PLCB1: variants seen among roughly 807,000 people sequenced by gnomAD.
PLCB1 encodes the protein 1-phosphatidylinositol 4,5-bisphosphate phosphodiesterase beta-1.
Under a neutral mutation model 161.8 loss-of-function variants are expected in PLCB1, and 46 were observed. The observed-to-expected ratio is 0.28, with a 90% CI of 0.22 to 0.36. The LOEUF (loss-of-function observed/expected upper bound fraction) is 0.36, where lower values mean the gene tolerates loss of function less well. Ranked by LOEUF, PLCB1 falls within the 10% of genes least tolerant of loss-of-function variation. PLCB1 has a pLI of 1.00. For synonymous variants in PLCB1, 517 were observed against 503.7 expected (o/e 1.03, Z -0.35); for missense variants, 1,016 against 1,472.5 (o/e 0.69, Z 5.07).
chr20:8,843,063 A>G (rs1190035970), intron 31 of PLCB1, among the ~76,000 whole-genome samples: 2 of 152,334 alleles, frequency 1.3e-5, no homozygotes, highest in Non-Finnish European at 1.5e-5. Flanking sequence ...AGTCTTTGCA[A>G]TTGAGAGTAA....
At chr20:8,468,029 G>A (rs1227872095) in intron 3 of PLCB1, among the ~76,000 whole-genome samples, 1 of 152,170 alleles carries the variant, frequency 6.6e-6, no homozygotes, top group Admixed American at 6.5e-5. Context: ...CAGAGATTGT[G>A]TGGAACAAAT....
intron 4 of PLCB1, among the ~76,000 whole-genome samples, chr20:8,636,602 T>C (rs1223681626): frequency 6.6e-6 from 1 of 152,224 alleles, no homozygotes; most frequent in Non-Finnish European, 1.5e-5. Flanking sequence ...GTCTCTCCCT[T>C]ACACACACAG....
chr20:8,332,482 C>A (rs1233523749), intron 2 of PLCB1, among the ~76,000 whole-genome samples: 1 of 152,190 alleles, frequency 6.6e-6, no homozygotes, highest in African/African-American at 2.4e-5. Flanking sequence ...TATCAATAAT[C>A]AAAATGTACT....
intron 2 of PLCB1, among the ~76,000 whole-genome samples, chr20:8,166,176 C>T (rs1021311223): frequency 4.6e-5 from 7 of 152,128 alleles, no homozygotes; most frequent in East Asian, 1.9e-4. Flanking sequence ...TCTTCAAAGA[C>T]CTGCCTATGC....
At chr20:8,558,420 A>G (rs1213706516) in intron 3 of PLCB1, among the ~76,000 whole-genome samples, 1 of 151,928 alleles carries the variant, frequency 6.6e-6, no homozygotes, top group Non-Finnish European at 1.5e-5. Context: ...GAATAAAGAA[A>G]AATGAACAGA....
rs534254362 is a variant in PLCB1 at position 8,295,895 on chromosome 20, TA to T, written c.178-75486del. ...TGGCTGATTTTTTTCTATTTTTTTG[TA>T]GAAATGGGGTCTGACTTTGTTGCCT... On this transcript the variant is annotated intron_variant, in intron 2 of 31. Transcript: ENST00000338037. 5.5e-4 allele frequency among the ~76,000 whole-genome samples: 83 copies of T among 152,040 alleles called. 3 individuals are homozygous for T. In the Middle Eastern group the frequency reaches 0.01, roughly 19 times the overall value.
intron 2 of PLCB1, among the ~76,000 whole-genome samples, chr20:8,350,313 GC>G (rs2122256015): frequency 6.6e-6 from 1 of 152,268 alleles, no homozygotes; most frequent in South Asian, 2.1e-4. Flanking sequence ...TCATCATTCA[GC>G]TTCCACTCAT....
intron 2 of PLCB1, among the ~76,000 whole-genome samples, chr20:8,308,566 G>A (rs1041192555): frequency 2.9e-4 from 43 of 148,136 alleles, no homozygotes; most frequent in African/African-American, 1.1e-3. Context: ...GCAGTGAGCC[G>A]AGACCGTGCC....
intron 2 of PLCB1, among the ~76,000 whole-genome samples, chr20:8,358,511 C>G (rs1488208490): frequency 6.6e-6 from 1 of 151,952 alleles, no homozygotes; most frequent in Non-Finnish European, 1.5e-5. Flanking sequence ...TTGGCCTCCC[C>G]AAGTGCTGGG....
intron 9 of PLCB1, among the ~76,000 whole-genome samples, chr20:8,681,119 T>TATATATATATATATAA (rs1485697576): frequency 0.048 from 3,821 of 80,094 alleles, 142 homozygotes; most frequent in Non-Finnish European, 0.058. Flanking sequence ...TATATATATA[T>TATATATATATATATAA]AATATATATA....
chr20:8,329,575 A>C (rs1336652544), intron 2 of PLCB1, among the ~76,000 whole-genome samples: 1 of 152,142 alleles, frequency 6.6e-6, no homozygotes, highest in Non-Finnish European at 1.5e-5. Context: ...ATTTCCAGAA[A>C]ATTACAATGA....
At chr20:8,252,660 A>T (rs192245292) in intron 2 of PLCB1, among the ~76,000 whole-genome samples, 20 of 152,114 alleles carry the variant, frequency 1.3e-4, no homozygotes, top group Non-Finnish European at 2.1e-4. Flanking sequence ...TCATTAGCTC[A>T]CAAGGCAAAT....
intron 3 of PLCB1, among the ~76,000 whole-genome samples, chr20:8,378,127 G>A (rs11906056): frequency 0.013 from 1,947 of 152,244 alleles, 17 homozygotes; most frequent in South Asian, 0.02. Flanking sequence ...ATGGATGAGT[G>A]GATATACAAA....
At chr20:8,669,887 A>G (rs1374246218) in intron 9 of PLCB1, among the ~76,000 whole-genome samples, 1 of 152,240 alleles carries the variant, frequency 6.6e-6, no homozygotes, top group African/African-American at 2.4e-5. Flanking sequence ...AGTGAAGGCC[A>G]TGGTCCTTGC....
Position 8,621,558 on chromosome 20 carries a change from A to G in PLCB1, c.247-6736A>G, listed in dbSNP as rs1281456609. 3.9e-5 allele frequency among the ~76,000 whole-genome samples: 6 copies of G among 152,358 alleles called. No individual in the cohort carries two copies. The East Asian group carries it at 1.2e-3, about 29-fold the overall frequency. On this transcript the variant is annotated intron_variant, in intron 3 of 31. Transcript: ENST00000338037. Reference sequence around the variant, plus strand: ...CTTTGCTAGGAAGGCAAGCACTTCCATGAGACCACCTTTCTTTCCTATTTT... The same window carrying G: ...CTTTGCTAGGAAGGCAAGCACTTCCGTGAGACCACCTTTCTTTCCTATTTT...
At chr20:8,536,828 T>G (rs1298522696) in intron 3 of PLCB1, among the ~76,000 whole-genome samples, 1 of 152,120 alleles carries the variant, frequency 6.6e-6, no homozygotes, top group Non-Finnish European at 1.5e-5. Flanking sequence ...GGTAGACTCC[T>G]TTGCTGCATG....
intron 10 of PLCB1, among the ~76,000 whole-genome samples, chr20:8,696,121 G>GT (rs1315143456): frequency 6.6e-6 from 1 of 152,128 alleles, no homozygotes; most frequent in Non-Finnish European, 1.5e-5. Context: ...TCTTCTAAAG[G>GT]TTTTGTAGTT....
intron 3 of PLCB1, among the ~76,000 whole-genome samples, chr20:8,451,682 C>T (rs1320437771): frequency 1.3e-5 from 2 of 152,188 alleles, no homozygotes; most frequent in Non-Finnish European, 2.9e-5. Context: ...TATTTTAAAC[C>T]TCTTATGAGC....
intron 4 of PLCB1, among the ~76,000 whole-genome samples, chr20:8,629,952 TTTCTTTCTTTC>T (rs1411081872): frequency 1.7e-5 from 2 of 115,130 alleles, no homozygotes; most frequent in Non-Finnish European, 3.2e-5. Flanking sequence ...CTCTCTTTCT[TTTCTTTCTTTC>T]TTCTTTCTTT....
Sources: gnomAD v4.1 joint callset for allele counts (sites outside exome capture counted in the v4.1 genomes callset) on GRCh38, gnomAD v4.1.1 for gene constraint, MANE v1.5 for transcripts, NCBI Gene and HGNC (gene_info 2026-07-23, HGNC 2026-07-21) for gene names.